The following LDB2 variants were observed in gnomAD, a reference collection of about 807,000 sequenced individuals.
The protein encoded by LDB2 is LIM domain-binding protein 2.
Under a neutral mutation model 44.3 loss-of-function variants are expected in LDB2, and 12 were observed. The observed-to-expected ratio is 0.27, with a 90% CI of 0.17 to 0.44. The LOEUF is 0.44. LDB2 is among the 20% of genes least tolerant of loss of function. LDB2 has a pLI of 1.00. For synonymous variants in LDB2, 164 were observed against 174.8 expected, an observed-to-expected ratio of 0.94 and a Z score of 0.49; for missense variants, 344 against 473.5, an observed-to-expected ratio of 0.73 and a Z score of 2.54.
chr4:16,796,536 C>A lies in LDB2; in HGVS notation c.133-37276G>T, dbSNP rs114467583. ...AATGGAAGAGATGAGACACATTTCCCATGCAGAAGAATCACAAGTGATTTA... is the reference window on the plus strand; with the variant it reads ...AATGGAAGAGATGAGACACATTTCCAATGCAGAAGAATCACAAGTGATTTA... On this transcript the variant is annotated intron_variant, in intron 1 of 7. Coordinates refer to ENST00000304523, the MANE Select transcript of LDB2 (RefSeq NM_001290.5). 6.5e-3 allele frequency among the ~76,000 whole-genome samples: 993 copies of A among 152,222 alleles called. 22 individuals carry two copies. Among genetic ancestry groups the A allele is most frequent in the African/African-American group, 0.023 (960 of 41,546 alleles).
At chr4:16,659,839 G>T (rs1741057381) in intron 2 of LDB2, among the ~76,000 whole-genome samples, 1 of 152,050 alleles carries the variant, frequency 6.6e-6, no homozygotes, top group Admixed American at 6.5e-5. Context: ...GACTGGCTTT[G>T]TCTTCTGATA....
At chr4:16,705,957 T>C (rs1178314142) in intron 2 of LDB2, among the ~76,000 whole-genome samples, 1 of 152,200 alleles carries the variant, frequency 6.6e-6, no homozygotes, top group Non-Finnish European at 1.5e-5. Context: ...AGTCACTATA[T>C]AATCTTTTTT....
intron 2 of LDB2, among the ~76,000 whole-genome samples, chr4:16,745,663 G>C (rs533329878): frequency 6.6e-6 from 1 of 152,260 alleles, no homozygotes; most frequent in Non-Finnish European, 1.5e-5. Flanking sequence ...ATTTATAAAT[G>C]TCAGCTTCAT....
intron 1 of LDB2, among the ~76,000 whole-genome samples, chr4:16,850,130 C>T (rs1459076882): frequency 1.3e-5 from 2 of 152,114 alleles, no homozygotes; most frequent in African/African-American, 2.4e-5. Context: ...AGAAAGAGGG[C>T]CTCTGGAGCT....
rs112409489 is a variant in LDB2 at position 16,564,457 on chromosome 4, T to C, written c.615+21465A>G. 4.4e-4 allele frequency among the ~76,000 whole-genome samples: 67 copies of C among 152,200 alleles called. 1 individual carries two copies. The highest frequency in any genetic ancestry group is 2.1e-4 in the Non-Finnish European group (14 of 68,034). ...AAAGCCAACTGAAATATTCTTCCTG[T>C]CCGTATTCAGTGAAGGGGACCAGCA... On this transcript the variant is annotated intron_variant, in intron 5 of 7. Coordinates refer to ENST00000304523, the MANE Select transcript of LDB2 (RefSeq NM_001290.5).
chr4:16,766,476 G>C (rs1365503585), intron 1 of LDB2, among the ~76,000 whole-genome samples: 1 of 128,632 alleles, frequency 7.8e-6, no homozygotes, highest in Non-Finnish European at 1.6e-5. Flanking sequence ...ATATGTGTGT[G>C]TGTGTGTGTG....
At chr4:16,672,891 T>G (rs993911309) in intron 2 of LDB2, among the ~76,000 whole-genome samples, 2 of 149,986 alleles carry the variant, frequency 1.3e-5, no homozygotes, top group African/African-American at 5.0e-5. Flanking sequence ...CTTCCTTTTT[T>G]TTCCTTCCCC....
At chr4:16,590,859 G>A (rs1037620750) in intron 3 of LDB2, among the ~76,000 whole-genome samples, 3 of 152,178 alleles carry the variant, frequency 2.0e-5, no homozygotes, top group Non-Finnish European at 4.4e-5. Context: ...AAAGGGAGAA[G>A]ACTTCAGTTC....
At chr4:16,539,431 C>T (rs1383440941) in intron 5 of LDB2, among the ~76,000 whole-genome samples, 1 of 152,170 alleles carries the variant, frequency 6.6e-6, no homozygotes, top group Admixed American at 6.5e-5. Flanking sequence ...GACTTTACTT[C>T]CCTCTGGTCA....
intron 5 of LDB2, among the ~76,000 whole-genome samples, chr4:16,561,293 T>G (rs1488408277): frequency 6.6e-6 from 1 of 152,244 alleles, no homozygotes; most frequent in African/African-American, 2.4e-5. Context: ...TGTTTGCAGA[T>G]GACGTGATTG....
chr4:16,699,779 T>C (rs1753022483), intron 2 of LDB2, among the ~76,000 whole-genome samples: 1 of 152,144 alleles, frequency 6.6e-6, no homozygotes, highest in Admixed American at 6.5e-5. Flanking sequence ...ATTGCTCAGT[T>C]CTCTCCTCTC....
chr4:16,753,809 A>G (rs1278811068), intron 2 of LDB2, among the ~76,000 whole-genome samples: 1 of 152,192 alleles, frequency 6.6e-6, no homozygotes. Context: ...AATAGTAGTT[A>G]AAGGTTAATG....
At chr4:16,549,690 T>A (rs1736959923) in intron 5 of LDB2, among the ~76,000 whole-genome samples, 1 of 152,168 alleles carries the variant, frequency 6.6e-6, no homozygotes, top group African/African-American at 2.4e-5. Flanking sequence ...AAAACCCAAG[T>A]ACTCTCAGTG....
intron 2 of LDB2, among the ~76,000 whole-genome samples, chr4:16,670,432 T>A (rs1404864519): frequency 6.6e-6 from 1 of 152,158 alleles, no homozygotes; most frequent in East Asian, 1.9e-4. Flanking sequence ...ACCACTGGGG[T>A]CATTGCTGGG....
chr4:16,716,731 C>G (rs1039021120), intron 2 of LDB2, among the ~76,000 whole-genome samples: 20 of 152,098 alleles, frequency 1.3e-4, no homozygotes, highest in African/African-American at 4.3e-4. Context: ...CATACCGTAC[C>G]CTAGAATTTC....
At chr4:16,646,657 A>G (rs1440574808) in intron 2 of LDB2, among the ~76,000 whole-genome samples, 1 of 152,214 alleles carries the variant, frequency 6.6e-6, no homozygotes, top group Non-Finnish European at 1.5e-5. Flanking sequence ...GCTGACTTGC[A>G]GATTTAAGAG....
intron 2 of LDB2, among the ~76,000 whole-genome samples, chr4:16,673,649 C>T (rs1745492017): frequency 6.6e-6 from 1 of 152,166 alleles, no homozygotes; most frequent in South Asian, 2.1e-4. Context: ...ATTTCTTTGG[C>T]CTCCCAGGGA....
chr4:16,539,469 C>G (rs1263789581), intron 5 of LDB2, among the ~76,000 whole-genome samples: 3 of 152,090 alleles, frequency 2.0e-5, no homozygotes, highest in Admixed American at 2.0e-4. Context: ...AGTTTCTGCC[C>G]CTTTCACTTA....
chr4:16,593,769 TCACTC>T (rs1168600166), intron 3 of LDB2, among the ~76,000 whole-genome samples: 1 of 152,274 alleles, frequency 6.6e-6, no homozygotes, highest in East Asian at 1.9e-4. Context: ...CCTGAACAAA[TCACTC>T]AACCATCTGA....
Sources: gnomAD v4.1 joint callset for allele counts (sites outside exome capture counted in the v4.1 genomes callset) on GRCh38, gnomAD v4.1.1 for gene constraint, MANE v1.5 for transcripts, NCBI Gene and HGNC (gene_info 2026-07-23, HGNC 2026-07-21) for gene names.